Variants in CTIF observed in about 807,000 individuals in gnomAD.
The protein encoded by CTIF is cap binding complex dependent translation initiation factor, also known as CBP80/20-dependent translation initiation factor.
In CTIF, 21 loss-of-function variants were observed where a neutral mutation model predicts 66.0. The observed-to-expected ratio is 0.32, with a 90% CI of 0.23 to 0.46. The LOEUF (loss-of-function observed/expected upper bound fraction) is 0.46. CTIF is among the 20% of genes least tolerant of loss of function. The pLI is 1.00. For missense variants in CTIF, 739 were observed against 812.7 expected, an observed-to-expected ratio of 0.91 and a Z score of 1.10; for synonymous variants, 345 against 326.4, an observed-to-expected ratio of 1.06 and a Z score of -0.62.
At chr18:48,658,235 T>C (rs932873733) in intron 3 of CTIF, among the ~76,000 whole-genome samples, 2 of 151,954 alleles carry the variant, frequency 1.3e-5, no homozygotes, top group Non-Finnish European at 2.9e-5. Flanking sequence ...TGTGTGTGTA[T>C]ATGCCTGTGT....
chr18:48,622,764 A>C (rs1433150444), intron 2 of CTIF, among the ~76,000 whole-genome samples: 1 of 152,208 alleles, frequency 6.6e-6, no homozygotes, highest in East Asian at 1.9e-4. Context: ...CAACTTTTGC[A>C]GTCCCCTGGA....
At chr18:48,702,090 A>G (rs528038983) in intron 6 of CTIF, among the ~76,000 whole-genome samples, 26 of 152,358 alleles carry the variant, frequency 1.7e-4, no homozygotes, top group African/African-American at 6.0e-4. Context: ...GCAGAATGGG[A>G]TATTAAAAGA....
rs551571679 is a variant in CTIF, at chr18:48,619,504, G to A, written c.-28-34G>A. 78 of 1,336,568 alleles carry A rather than the reference G, an allele frequency of 5.8e-5. 1 individual carries two copies. Among genetic ancestry groups the A allele is most frequent in the Admixed American group, 2.6e-4 (8 of 30,614 alleles). 82.8% of individuals were successfully genotyped at this position (1,336,568 alleles called of 1,614,324 possible). A position where few individuals can be genotyped will look rare whatever the true frequency, so the allele number is the denominator to read the frequency against. ...GGGCATCGTCGTCTCCTCCAGCAGC[G>A]TCTCACGGAGTTCTCTGTCCTCTTT... On this transcript the variant is annotated intron_variant, in intron 1 of 11. Coordinates refer to ENST00000256413, the MANE Select transcript of CTIF (RefSeq NM_014772.3).
At chr18:48,569,266 G>T (rs1333949909) in intron 1 of CTIF, among the ~76,000 whole-genome samples, 2 of 152,044 alleles carry the variant, frequency 1.3e-5, no homozygotes, top group East Asian at 1.9e-4. Context: ...TTTCCAGAGC[G>T]TGCACAGTTT....
intron 1 of CTIF, among the ~76,000 whole-genome samples, chr18:48,608,231 G>A (rs1374199746): frequency 6.6e-6 from 1 of 152,190 alleles, no homozygotes; most frequent in African/African-American, 2.4e-5. Flanking sequence ...GCACTTCTTA[G>A]CTCTAGCTGA....
intron 9 of CTIF, among the ~76,000 whole-genome samples, chr18:48,816,333 T>C (rs2146320931): frequency 6.6e-6 from 1 of 152,356 alleles, no homozygotes; most frequent in Non-Finnish European, 1.5e-5. Context: ...GAAATATCTT[T>C]CTGAATATTA....
chr18:48,739,200 A>G (rs1361796736), intron 7 of CTIF, among the ~76,000 whole-genome samples: 1 of 152,166 alleles, frequency 6.6e-6, no homozygotes, highest in Non-Finnish European at 1.5e-5. Flanking sequence ...GACAGCCAAG[A>G]TTCCTCCCGG....
intron 6 of CTIF, among the ~76,000 whole-genome samples, chr18:48,688,890 A>G (rs1167564003): frequency 2.0e-5 from 3 of 152,228 alleles, no homozygotes; most frequent in African/African-American, 7.2e-5. Flanking sequence ...GAGAAAAAGA[A>G]AGGAATGACA....
chr18:48,708,609 T>C lies in CTIF; in HGVS notation c.508-3010T>C, dbSNP rs563239824. Among the ~76,000 whole-genome samples the C allele has an allele frequency of 3.0e-3, 464 of 152,340 alleles. 1 individual carries two copies. The highest frequency in any genetic ancestry group is 0.01 in the African/African-American group (430 of 41,590). On this transcript the variant is annotated intron_variant, in intron 6 of 11. Transcript: ENST00000256413. ...GGCCTTATACATAGGACCAGCCCTC[T>C]ATAGCCCTGGCCTGGATTGTTCCTG...
chr18:48,571,358 G>A lies in CTIF; in HGVS notation c.-29+32046G>A, dbSNP rs193204437. 6.4e-4 allele frequency among the ~76,000 whole-genome samples: 98 copies of A among 152,242 alleles called. 1 individual carries two copies. The highest frequency in any genetic ancestry group is 1.9e-4 in the East Asian group (1 of 5,168). ...TTTTGGTAGAGATGGGGGTTTCACCGTGTTGGTCAGGCTGGTCTCAAACCC... is the reference window on the plus strand; with the variant it reads ...TTTTGGTAGAGATGGGGGTTTCACCATGTTGGTCAGGCTGGTCTCAAACCC... On this transcript the variant is annotated intron_variant, in intron 1 of 11. Transcript: ENST00000256413.
At chr18:48,841,823 G>T (rs929024905) in intron 10 of CTIF, among the ~76,000 whole-genome samples, 5 of 152,112 alleles carry the variant, frequency 3.3e-5, no homozygotes, top group African/African-American at 1.2e-4. Flanking sequence ...GGGTGGGAGG[G>T]CAGGGTGGCT....
chr18:48,717,879 G>A (rs1192614167), intron 7 of CTIF, among the ~76,000 whole-genome samples: 2 of 151,818 alleles, frequency 1.3e-5, no homozygotes, highest in Admixed American at 1.3e-4. Context: ...ATAGGCACCC[G>A]CCACCACACC....
At chr18:48,607,471 C>A (rs952908366) in intron 1 of CTIF, among the ~76,000 whole-genome samples, 3 of 152,186 alleles carry the variant, frequency 2.0e-5, no homozygotes, top group African/African-American at 7.2e-5. Context: ...TCTGCTAATA[C>A]CAAGGTGGGC....
In CTIF at chr18:48,767,367, G is replaced by A. The variant is rs562226697; in HGVS notation, c.1371+5678G>A. Among the ~76,000 whole-genome samples, 90 of 152,270 alleles carry A rather than the reference G, an allele frequency of 5.9e-4. No homozygotes were observed. The Middle Eastern group carries it at 0.01, about 17-fold the overall frequency. The stretch of plus-strand genomic sequence containing the variant: ...AGCCCTCTCCACCCAGCACTGCCCT[G>A]TCACTGCCCCGGGACGTCCACGTGG... On this transcript the variant is annotated intron_variant, in intron 9 of 11. Transcript: ENST00000256413.
intron 6 of CTIF, among the ~76,000 whole-genome samples, chr18:48,675,949 T>A (rs1263368558): frequency 6.6e-6 from 1 of 152,214 alleles, no homozygotes; most frequent in Non-Finnish European, 1.5e-5. Context: ...CTTGACCAAG[T>A]TCCATGTGAA....
intron 6 of CTIF, among the ~76,000 whole-genome samples, chr18:48,687,776 C>T (rs1362157704): frequency 2.0e-5 from 3 of 152,196 alleles, no homozygotes; most frequent in Non-Finnish European, 4.4e-5. Context: ...TCAAATTGCC[C>T]TTAAGAACTT....
intron 9 of CTIF, among the ~76,000 whole-genome samples, chr18:48,778,187 G>A (rs1013347936): frequency 6.6e-6 from 1 of 152,210 alleles, no homozygotes; most frequent in Non-Finnish European, 1.5e-5. Context: ...CAGCATGGGA[G>A]CCTGAGCCAG....
intron 7 of CTIF, among the ~76,000 whole-genome samples, chr18:48,716,011 G>T (rs752985049): frequency 6.6e-6 from 1 of 152,196 alleles, no homozygotes; most frequent in Admixed American, 6.5e-5. Flanking sequence ...GCGGGGCTGC[G>T]CTCTTTGCCC....
At chr18:48,627,130 G>C (rs1403350538) in intron 2 of CTIF, among the ~76,000 whole-genome samples, 1 of 152,152 alleles carries the variant, frequency 6.6e-6, no homozygotes, top group African/African-American at 2.4e-5. Context: ...TAAGTTTTAT[G>C]ATCTGTAGGT....
Sources: gnomAD v4.1 joint callset for allele counts (sites outside exome capture counted in the v4.1 genomes callset) on GRCh38, gnomAD v4.1.1 for gene constraint, MANE v1.5 for transcripts, NCBI Gene and HGNC (gene_info 2026-07-23, HGNC 2026-07-21) for gene names.